TRPC1: variants seen among roughly 807,000 people sequenced by gnomAD.
TRPC1 encodes the protein transient receptor potential cation channel subfamily C member 1.
In TRPC1, 42 loss-of-function variants were observed where a neutral mutation model predicts 88.2. The observed-to-expected ratio is 0.48, with a 90% CI of 0.37 to 0.62. TRPC1 has a LOEUF of 0.62. Among genes scored for constraint, TRPC1 ranks in the 20% least tolerant of loss-of-function variants. The probability of loss-of-function intolerance (pLI) is 0.00; values close to 1 mark genes in which losing one functional copy is unlikely to be tolerated. For missense variants in TRPC1, 699 were observed against 957.3 expected (o/e 0.73, Z 3.56); for synonymous variants, 288 against 331.8 (o/e 0.87, Z 1.43).
intron 1 of TRPC1, among the ~76,000 whole-genome samples, chr3:142,729,236 T>G (rs1933801833): frequency 6.6e-6 from 1 of 152,336 alleles, no homozygotes; most frequent in East Asian, 1.9e-4. Flanking sequence ...ATACTGGTAA[T>G]TCTTTATAGT....
intron 4 of TRPC1, among the ~76,000 whole-genome samples, chr3:142,773,835 T>A (rs1036403568): frequency 6.6e-6 from 1 of 150,918 alleles, no homozygotes; most frequent in Non-Finnish European, 1.5e-5. Flanking sequence ...CCTCTAATGT[T>A]GCTCCTCAGG....
intron 1 of TRPC1, among the ~76,000 whole-genome samples, chr3:142,729,139 C>A (rs1347535873): frequency 6.6e-6 from 1 of 152,150 alleles, no homozygotes; most frequent in Non-Finnish European, 1.5e-5. Context: ...ACAACAGCAA[C>A]GAAAGACTCA....
intron 4 of TRPC1, among the ~76,000 whole-genome samples, chr3:142,763,842 A>G (rs1004245228): frequency 2.0e-4 from 30 of 151,162 alleles, no homozygotes; most frequent in Admixed American, 1.6e-3. Context: ...TTTAGTGAAT[A>G]TATTATAGGT....
chr3:142,798,051 C>CT (rs1936504866), intron 9 of TRPC1, among the ~76,000 whole-genome samples: 1 of 152,036 alleles, frequency 6.6e-6, no homozygotes, highest in Admixed American at 6.6e-5. Context: ...GAGGTTCAAA[C>CT]TGGTGGGGCT....
intron 4 of TRPC1, among the ~76,000 whole-genome samples, chr3:142,757,078 A>G (rs1286672579): frequency 6.6e-6 from 1 of 152,162 alleles, no homozygotes; most frequent in Non-Finnish European, 1.5e-5. Flanking sequence ...TGGCTGAATA[A>G]TATTCCGTTA....
intron 3 of TRPC1, among the ~76,000 whole-genome samples, chr3:142,744,713 C>T (rs576711301): frequency 3.3e-4 from 51 of 152,268 alleles, no homozygotes; most frequent in Admixed American, 1.4e-3. Context: ...CAATCATCAT[C>T]TCTCATTGAC....
rs975774407 is a variant in TRPC1 at position 142,800,956 on chromosome 3, A to C, written c.1582-1213A>C. Among the ~76,000 whole-genome samples the C allele has an allele frequency of 2.6e-5, 4 of 151,920 alleles. No homozygotes were observed. In the South Asian group the frequency reaches 8.3e-4, roughly 32 times the overall value. On this transcript the variant is annotated intron_variant, in intron 9 of 12. Coordinates refer to ENST00000476941, the MANE Select transcript of TRPC1 (RefSeq NM_001251845.2). ...AAAAAAGTCTCCCTACTATACCCTT[A>C]GATATATGCCCTTCCATAGATAAAC...
chr3:142,779,776 A>G (rs1935900239), intron 5 of TRPC1, among the ~76,000 whole-genome samples: 1 of 152,130 alleles, frequency 6.6e-6, no homozygotes, highest in Non-Finnish European at 1.5e-5. Context: ...CTGAAGCCCA[A>G]CCTCAAGACT....
intron 4 of TRPC1, among the ~76,000 whole-genome samples, chr3:142,749,197 A>G (rs1248845432): frequency 1.3e-5 from 2 of 152,236 alleles, no homozygotes; most frequent in Non-Finnish European, 2.9e-5. Flanking sequence ...TGGTCACATC[A>G]TAGTGCAACG....
chr3:142,739,406 T>TA (rs1267583664), intron 2 of TRPC1, among the ~76,000 whole-genome samples: 1 of 152,228 alleles, frequency 6.6e-6, no homozygotes, highest in Admixed American at 6.5e-5. Context: ...TCTATGGTCT[T>TA]ACCTATTATG....
intron 2 of TRPC1, among the ~76,000 whole-genome samples, chr3:142,742,628 T>A (rs1268495088): frequency 6.6e-6 from 1 of 152,226 alleles, no homozygotes; most frequent in Non-Finnish European, 1.5e-5. Flanking sequence ...TATTAATGAT[T>A]ATAGCAGTTA....
In TRPC1 at chr3:142,724,516, G is replaced by A; in HGVS notation, c.-44G>A. 1 of 1,474,794 alleles carries A rather than the reference G, an allele frequency of 6.8e-7. No individual in the cohort carries two copies. Among genetic ancestry groups the A allele is most frequent in the Non-Finnish European group, 8.9e-7 (1 of 1,119,354 alleles). 91.4% of individuals were successfully genotyped at this position (1,474,794 alleles called of 1,614,324 possible). On this transcript the variant is annotated 5_prime_UTR_variant, in exon 1 of 13. Coordinates refer to ENST00000476941, the MANE Select transcript of TRPC1 (RefSeq NM_001251845.2). This position sits in a 1 kb window ranked among gnomAD's most constrained non-coding sequence, Gnocchi z 5.6. ...TCGGGGTCGGGGTCGGGGCCGGTGG[G>A]GGCCCCGCCCCCGTCTCCTGGCCTG...
At chr3:142,801,411 A>G (rs1936616923) in intron 9 of TRPC1, 1 of 152,180 alleles carries the variant, frequency 6.6e-6, no homozygotes, top group Admixed American at 6.6e-5. Context: ...TTAAATTTCT[A>G]GGGATAGAAT....
At chr3:142,791,284 C>G (rs1473806874) in intron 8 of TRPC1, 126 bp downstream of exon 8, 1 of 797,534 alleles carries the variant, frequency 1.3e-6, no homozygotes, top group East Asian at 2.9e-5. Context: ...TCATTTTAAG[C>G]CTATCTGTGT....
At chr3:142,799,478 ACTT>A (rs1404554346) in intron 9 of TRPC1, among the ~76,000 whole-genome samples, 5 of 151,966 alleles carry the variant, frequency 3.3e-5, no homozygotes, top group African/African-American at 1.2e-4. Flanking sequence ...TTCTACTTTT[ACTT>A]CTTCTTGTAT....
intron 7 of TRPC1, among the ~76,000 whole-genome samples, chr3:142,785,852 A>G (rs1291654632): frequency 2.0e-5 from 3 of 152,164 alleles, no homozygotes; most frequent in African/African-American, 7.2e-5. Context: ...TTTTGGAAAC[A>G]TTGTTTAAAT....
At chr3:142,732,035 ACT>A (rs1364433200) in intron 1 of TRPC1, among the ~76,000 whole-genome samples, 2 of 152,044 alleles carry the variant, frequency 1.3e-5, no homozygotes, top group African/African-American at 4.8e-5. Flanking sequence ...TAAAATATTT[ACT>A]CTCTAACCCT....
intron 1 of TRPC1, among the ~76,000 whole-genome samples, chr3:142,729,478 A>G (rs916459886): frequency 6.6e-6 from 1 of 152,216 alleles, no homozygotes; most frequent in Non-Finnish European, 1.5e-5. Flanking sequence ...GGAAGAAGCA[A>G]GTGCTCAATT....
chr3:142,786,917 G>A (rs1203777804), intron 7 of TRPC1, among the ~76,000 whole-genome samples: 1 of 152,082 alleles, frequency 6.6e-6, no homozygotes, highest in African/African-American at 2.4e-5. Flanking sequence ...ATATGTCTTA[G>A]CAATGAGTAA....
Sources: allele counts gnomAD v4.1 joint callset (sites outside exome capture counted in the v4.1 genomes callset), GRCh38; gene constraint gnomAD v4.1.1; non-coding constraint Gnocchi (gnomAD v3.1); transcripts MANE v1.5; gene names NCBI Gene and HGNC (gene_info 2026-07-23, HGNC 2026-07-21).